SPOCK1: variants seen among roughly 807,000 people sequenced by gnomAD.
The protein encoded by SPOCK1 is testican-1.
In SPOCK1, 23 loss-of-function variants were observed where a neutral mutation model predicts 55.3. That is an observed-to-expected ratio of 0.42 (90% CI 0.30 to 0.59). The LOEUF is 0.59. SPOCK1 is among the 20% of genes least tolerant of loss of function. SPOCK1 has a pLI of 0.22. For synonymous variants in SPOCK1, 226 were observed against 221.0 expected, an observed-to-expected ratio of 1.02 and a Z score of -0.20; for missense variants, 499 against 552.5, an observed-to-expected ratio of 0.90 and a Z score of 0.97.
intron 2 of SPOCK1, among the ~76,000 whole-genome samples, chr5:137,497,847 A>AACACACAC (rs113944229): frequency 0.012 from 1,737 of 149,466 alleles, 30 homozygotes; most frequent in African/African-American, 0.039. Context: ...CGCCTCCCTC[A>AACACACAC]ACACACACAC....
intron 3 of SPOCK1, among the ~76,000 whole-genome samples, chr5:137,171,675 C>A (rs1754757200): frequency 6.6e-6 from 1 of 152,050 alleles, no homozygotes; most frequent in African/African-American, 2.4e-5. Context: ...ATAATAAAGA[C>A]AAGAGAGGAA....
intron 2 of SPOCK1, among the ~76,000 whole-genome samples, chr5:137,417,332 C>CTTTTTTTTT (rs35711384): frequency 8.5e-6 from 1 of 117,888 alleles, no homozygotes; most frequent in Non-Finnish European, 1.8e-5. Context: ...TAACCCATTT[C>CTTTTTTTTT]TTTTTTTTTT....
At chr5:137,190,843 A>T (rs912400658) in intron 3 of SPOCK1, among the ~76,000 whole-genome samples, 3 of 152,204 alleles carry the variant, frequency 2.0e-5, no homozygotes, top group African/African-American at 7.2e-5. Flanking sequence ...ACTGAGGTCA[A>T]GATGGAGCAG....
In SPOCK1 at chr5:137,167,099, AG is replaced by A. The variant is rs1427119336; in HGVS notation, c.233-26406del. 2.6e-5 allele frequency among the ~76,000 whole-genome samples: 4 copies of A among 152,232 alleles called. No individual in the cohort carries two copies. The South Asian group carries it at 8.3e-4, about 32-fold the overall frequency. On this transcript the variant is annotated intron_variant, in intron 3 of 10. Coordinates refer to ENST00000394945, the MANE Select transcript of SPOCK1 (RefSeq NM_004598.4). ...ACACTTCACCTATAAAGACACACATAGACTGAAAATAAAGGGATGGAAAGAG... is the reference window on the plus strand; with the variant it reads ...ACACTTCACCTATAAAGACACACATAACTGAAAATAAAGGGATGGAAAGAG...
intron 3 of SPOCK1, among the ~76,000 whole-genome samples, chr5:137,235,102 A>C (rs1485134379): frequency 6.6e-6 from 1 of 152,212 alleles, no homozygotes; most frequent in Non-Finnish European, 1.5e-5. Flanking sequence ...GGGCTGAATC[A>C]TTGGCAAAGT....
At chr5:137,461,502 T>C (rs577183324) in intron 2 of SPOCK1, among the ~76,000 whole-genome samples, 5 of 152,300 alleles carry the variant, frequency 3.3e-5, no homozygotes, top group African/African-American at 1.2e-4. Context: ...ATGCTGTCAG[T>C]GTTGCTAATA....
intron 6 of SPOCK1, among the ~76,000 whole-genome samples, chr5:137,056,886 T>C (rs1752311678): frequency 6.6e-6 from 1 of 152,132 alleles, no homozygotes; most frequent in East Asian, 1.9e-4. Flanking sequence ...CCGACTGCTA[T>C]GCAACAGGTG....
chr5:137,454,009 C>G (rs929194523), intron 2 of SPOCK1, among the ~76,000 whole-genome samples: 17 of 151,200 alleles, frequency 1.1e-4, no homozygotes, highest in African/African-American at 3.9e-4. Flanking sequence ...ACAAGGATGT[C>G]ACTATCAAGA....
intron 2 of SPOCK1, among the ~76,000 whole-genome samples, chr5:137,269,735 A>G (rs1756923397): frequency 6.6e-6 from 1 of 152,076 alleles, no homozygotes; most frequent in Admixed American, 6.5e-5. Context: ...CAAAAGAAAA[A>G]AGAATGGCTC....
chr5:137,311,924 C>T (rs925593197), intron 2 of SPOCK1, among the ~76,000 whole-genome samples: 9 of 152,324 alleles, frequency 5.9e-5, no homozygotes, highest in Middle Eastern at 3.4e-3. Context: ...TGCCTAGCAT[C>T]GCAGTGTATG....
chr5:137,254,058 A>C (rs1320581493), intron 3 of SPOCK1, among the ~76,000 whole-genome samples: 2 of 152,222 alleles, frequency 1.3e-5, no homozygotes, highest in Non-Finnish European at 2.9e-5. Flanking sequence ...ACAAACTGGG[A>C]ATTTCTCCTC....
chr5:137,226,176 C>CA (rs1325090950), intron 3 of SPOCK1, among the ~76,000 whole-genome samples: 1 of 152,210 alleles, frequency 6.6e-6, no homozygotes. Flanking sequence ...TGATTCTTCA[C>CA]AGGGAGATTG....
At chr5:137,463,299 CAT>C (rs1561542288) in intron 2 of SPOCK1, among the ~76,000 whole-genome samples, 1 of 152,160 alleles carries the variant, frequency 6.6e-6, no homozygotes, top group African/African-American at 2.4e-5. Context: ...ACATGTGGTA[CAT>C]ATACACAATG....
At chr5:137,319,862 G>A (rs941866591) in intron 2 of SPOCK1, among the ~76,000 whole-genome samples, 1 of 150,976 alleles carries the variant, frequency 6.6e-6, no homozygotes, top group African/African-American at 2.4e-5. Context: ...GGAGAATGGC[G>A]TGAACCCGGG....
At chr5:137,350,725 T>C (rs1390317123) in intron 2 of SPOCK1, among the ~76,000 whole-genome samples, 3 of 152,074 alleles carry the variant, frequency 2.0e-5, no homozygotes, top group African/African-American at 7.2e-5. Flanking sequence ...GCAAGATGAA[T>C]TTGTGGGGCC....
intron 6 of SPOCK1, among the ~76,000 whole-genome samples, chr5:137,048,781 G>A (rs1413716396): frequency 1.7e-5 from 2 of 117,272 alleles, no homozygotes; most frequent in African/African-American, 6.7e-5. Context: ...GCTGGTATCG[G>A]TTGTTCCTTT....
At chr5:137,037,841 G>C (rs1012717154) in intron 6 of SPOCK1, among the ~76,000 whole-genome samples, 12 of 152,194 alleles carry the variant, frequency 7.9e-5, no homozygotes, top group Admixed American at 2.6e-4. Context: ...GGTGACCCAG[G>C]GGTGCTGGTC....
At chr5:137,337,823 C>G (rs976374001) in intron 2 of SPOCK1, among the ~76,000 whole-genome samples, 4 of 152,174 alleles carry the variant, frequency 2.6e-5, no homozygotes, top group Admixed American at 2.6e-4. Flanking sequence ...TCATAAACAT[C>G]TGATTCTCTT....
chr5:137,069,790 C>A (rs530208966), intron 5 of SPOCK1, among the ~76,000 whole-genome samples: 1 of 152,326 alleles, frequency 6.6e-6, no homozygotes, highest in Admixed American at 6.5e-5. Flanking sequence ...TTAAAAGAAT[C>A]CTTAAAGCTA....
Sources: gnomAD v4.1 joint callset for allele counts (sites outside exome capture counted in the v4.1 genomes callset) on GRCh38, gnomAD v4.1.1 for gene constraint, MANE v1.5 for transcripts, NCBI Gene and HGNC (gene_info 2026-07-23, HGNC 2026-07-21) for gene names.